Variants in CACNA1A observed in about 807,000 individuals in gnomAD.
The protein encoded by CACNA1A is voltage-dependent P/Q-type calcium channel subunit alpha-1A.
CACNA1A carries 57 observed loss-of-function variants against 262.4 expected under a neutral mutation model. That is an observed-to-expected ratio of 0.22 (90% CI 0.18 to 0.27). CACNA1A has a LOEUF of 0.27. CACNA1A is among the 10% of genes least tolerant of loss of function. The pLI is 1.00. For synonymous variants in CACNA1A, 1,431 were observed against 1,419.3 expected, an observed-to-expected ratio of 1.01 and a Z score of -0.18; for missense variants, 2,526 against 3,562.8, an observed-to-expected ratio of 0.71 and a Z score of 7.41.
At chr19:13,250,361 C>A (rs1162269426) in intron 30 of CACNA1A, among the ~76,000 whole-genome samples, 2 of 150,514 alleles carry the variant, frequency 1.3e-5, no homozygotes, top group Admixed American at 1.3e-4. Context: ...CACTCAGCCC[C>A]CAATTTTTTA....
intron 1 of CACNA1A, among the ~76,000 whole-genome samples, chr19:13,499,727 G>A (rs1233438595): frequency 2.0e-5 from 3 of 152,116 alleles, no homozygotes; most frequent in Non-Finnish European, 4.4e-5. Context: ...GGTGAATAAT[G>A]TGAACCTGGG....
intron 6 of CACNA1A, 144 bp downstream of exon 6, chr19:13,359,462 C>G: frequency 1.6e-6 from 1 of 622,404 alleles, no homozygotes; most frequent in East Asian, 2.8e-5. Flanking sequence ...GAGCCTCAGG[C>G]CAGCTTCAGT....
intron 3 of CACNA1A, among the ~76,000 whole-genome samples, chr19:13,418,388 G>A (rs897671658): frequency 2.0e-5 from 3 of 152,156 alleles, no homozygotes; most frequent in Non-Finnish European, 2.9e-5. Context: ...TCTGGCTGTA[G>A]TGGGTTGAAC....
chr19:13,348,859 T>C (rs1389468184), intron 6 of CACNA1A, among the ~76,000 whole-genome samples: 1 of 151,522 alleles, frequency 6.6e-6, no homozygotes, highest in African/African-American at 2.4e-5. Flanking sequence ...CCCCCCAAAA[T>C]TAGCTGGGTG....
At chr19:13,442,795 A>G (rs1185448626) in intron 3 of CACNA1A, among the ~76,000 whole-genome samples, 1 of 152,292 alleles carries the variant, frequency 6.6e-6, no homozygotes, top group Non-Finnish European at 1.5e-5. Context: ...GTTTTCCCCC[A>G]GCCATAGTGG....
chr19:13,393,683 TTCCTTTTC>T (rs199689250), intron 3 of CACNA1A, among the ~76,000 whole-genome samples: 2,194 of 148,406 alleles, frequency 0.015, 49 homozygotes, highest in South Asian at 0.083. Flanking sequence ...TTCTCTTTCT[TTCCTTTTC>T]TTTCTTTACC....
chr19:13,354,301 G>C (rs554484114), intron 6 of CACNA1A, among the ~76,000 whole-genome samples: 64 of 152,300 alleles, frequency 4.2e-4, no homozygotes, highest in Non-Finnish European at 8.5e-4. Flanking sequence ...GGAGTTGGCT[G>C]GCAAGGCCAC....
intron 10 of CACNA1A, among the ~76,000 whole-genome samples, chr19:13,320,308 C>T (rs975960519): frequency 2.6e-5 from 4 of 151,922 alleles, no homozygotes; most frequent in African/African-American, 7.2e-5. Context: ...CCAGCCCCCA[C>T]TCCTGCTGGA....
At chr19:13,476,789 C>T (rs1009632559) in intron 1 of CACNA1A, among the ~76,000 whole-genome samples, 1 of 152,158 alleles carries the variant, frequency 6.6e-6, no homozygotes, top group African/African-American at 2.4e-5. Context: ...ATTATCTCCA[C>T]AGACAACAAC....
chr19:13,234,458 G>T (rs778766265), intron 34 of CACNA1A, among the ~76,000 whole-genome samples: 1 of 151,532 alleles, frequency 6.6e-6, no homozygotes, highest in African/African-American at 2.4e-5. Flanking sequence ...CAAGCCTCAC[G>T]GTCTGTAAGC....
At chr19:13,488,062 G>T (rs142840563) in intron 1 of CACNA1A, among the ~76,000 whole-genome samples, 1 of 152,122 alleles carries the variant, frequency 6.6e-6, no homozygotes, top group African/African-American at 2.4e-5. Context: ...TTATAGGTGT[G>T]AGCCACTGCA....
In CACNA1A at chr19:13,437,767, C is replaced by T. The variant is rs151183071; in HGVS notation, c.539+15109G>A. Reference sequence around the variant, plus strand: ...AGAAGAGTTAAGGTCTCCACATAGACACCCAACCAGCCTGGCCTCTGCCCC... The same window carrying T: ...AGAAGAGTTAAGGTCTCCACATAGATACCCAACCAGCCTGGCCTCTGCCCC... On this transcript the variant is annotated intron_variant, in intron 3 of 46. Coordinates refer to ENST00000360228, the MANE Select transcript of CACNA1A (RefSeq NM_001127222.2). 6.7e-3 allele frequency among the ~76,000 whole-genome samples: 1,007 copies of T among 150,386 alleles called. 17 individuals are homozygous for T. Among genetic ancestry groups the T allele is most frequent in the African/African-American group, 0.022 (909 of 40,932 alleles).
chr19:13,502,315 CTG>C (rs1419507586), intron 1 of CACNA1A, among the ~76,000 whole-genome samples: 3 of 152,192 alleles, frequency 2.0e-5, no homozygotes, highest in African/African-American at 7.2e-5. Flanking sequence ...ATTCAGGCAA[CTG>C]TGCGTGATAA....
rs1164678494 is a variant in CACNA1A at position 13,469,460 on chromosome 19, C to CTTTTT, written c.294-14253_294-14249dup. On this transcript the variant is annotated intron_variant, in intron 1 of 46. Coordinates refer to ENST00000360228, the MANE Select transcript of CACNA1A (RefSeq NM_001127222.2). ...CCAGCATCCTTGTCTTGAACCACCT[C>CTTTTT]TTTTTTTTTTTTTTTTTTTTTTTTT... Among the ~76,000 whole-genome samples, 53 of 62,234 alleles carry CTTTTT rather than the reference C, an allele frequency of 8.5e-4. 5 individuals carry two copies. The highest frequency in any genetic ancestry group is 3.5e-3 in the African/African-American group (52 of 14,940). 40.8% of individuals were successfully genotyped at this position (62,234 alleles called of 152,430 possible).
Position 13,212,309 on chromosome 19 carries a change from G to A in CACNA1A, c.6189+75C>T, listed in dbSNP as rs779808138. Reference sequence around the variant, plus strand: ...GGGAGGGAGCTGCAGGTGTGTGTGTGTGGGGGGCCCAGATCCCTTCCACCT... The same window carrying A: ...GGGAGGGAGCTGCAGGTGTGTGTGTATGGGGGGCCCAGATCCCTTCCACCT... On this transcript the variant is annotated intron_variant, in intron 42 of 46. Transcript: ENST00000360228. This position sits in a 1 kb window ranked among gnomAD's most constrained non-coding sequence, Gnocchi z 5.6. The A allele has an allele frequency of 1.3e-5, 21 of 1,569,492 alleles. No homozygotes were observed. Among genetic ancestry groups the A allele is most frequent in the Middle Eastern group, 1.7e-4 (1 of 5,998 alleles).
rs1316014177 is a variant in CACNA1A, at chr19:13,383,874, GCA to G, written c.540-12097_540-12096del. Among the ~76,000 whole-genome samples, 12 of 152,336 alleles carry G rather than the reference GCA, an allele frequency of 7.9e-5. 1 individual carries two copies. Among genetic ancestry groups the G allele is most frequent in the African/African-American group, 2.4e-4 (10 of 41,576 alleles). The stretch of plus-strand genomic sequence containing the variant: ...TCTGTCACCCAGGCTGGCGTGCAGT[GCA>G]CAGTCACAGCTCACTGCGGACTTGA... On this transcript the variant is annotated intron_variant, in intron 3 of 46. Transcript: ENST00000360228.
chr19:13,342,783 C>T (rs138381961), intron 6 of CACNA1A, among the ~76,000 whole-genome samples: 220 of 152,330 alleles, frequency 1.4e-3, no homozygotes, highest in African/African-American at 5.0e-3. Context: ...CTGAACAGAG[C>T]CCCCTTCTTC....
Position 13,496,043 on chromosome 19 carries a change from A to ACCATCCAT in CACNA1A, c.293+9881_293+9888dup, listed in dbSNP as rs140251496. On this transcript the variant is annotated intron_variant, in intron 1 of 46. Coordinates refer to ENST00000360228, the MANE Select transcript of CACNA1A (RefSeq NM_001127222.2). ...ATCCACTCATCCATGCATCTGTTCA[A>ACCATCCAT]CCATCCATCCATCCATCCATCCATC... Among the ~76,000 whole-genome samples the ACCATCCAT allele has an allele frequency of 3.4e-3, 491 of 145,858 alleles. 6 individuals carry two copies. Among genetic ancestry groups the ACCATCCAT allele is most frequent in the Admixed American group, 0.027 (401 of 14,586 alleles).
intron 19 of CACNA1A, among the ~76,000 whole-genome samples, chr19:13,295,892 T>C (rs1334971921): frequency 2.6e-5 from 4 of 152,194 alleles, no homozygotes; most frequent in Non-Finnish European, 5.9e-5. Flanking sequence ...ATGCAACTAT[T>C]AAATAAATGG....
Sources: allele counts gnomAD v4.1 joint callset (sites outside exome capture counted in the v4.1 genomes callset), GRCh38; gene constraint gnomAD v4.1.1; non-coding constraint Gnocchi (gnomAD v3.1); transcripts MANE v1.5; gene names NCBI Gene and HGNC (gene_info 2026-07-23, HGNC 2026-07-21).